Variants in THEMIS observed in about 807,000 individuals in gnomAD.
The protein encoded by THEMIS is protein THEMIS.
A neutral mutation model predicts 52.6 loss-of-function variants in THEMIS; 37 were observed. The ratio of observed to expected loss-of-function variants is 0.70; its 90% CI spans 0.54 to 0.93. The LOEUF (loss-of-function observed/expected upper bound fraction) is 0.93. Among genes scored for constraint, THEMIS ranks in the 40% least tolerant of loss-of-function variants. The probability of loss-of-function intolerance (pLI) is 0.00; values close to 1 mark genes in which losing one functional copy is unlikely to be tolerated. For missense variants in THEMIS, 808 were observed against 763.1 expected, an observed-to-expected ratio of 1.06 and a Z score of -0.69; for synonymous variants, 292 against 272.7, an observed-to-expected ratio of 1.07 and a Z score of -0.70.
At chr6:127,786,054 C>T (rs1776937612) in intron 4 of THEMIS, among the ~76,000 whole-genome samples, 3 of 152,082 alleles carry the variant, frequency 2.0e-5, no homozygotes. Context: ...TTTTATAAAA[C>T]ATTAATGACT....
intron 4 of THEMIS, among the ~76,000 whole-genome samples, chr6:127,751,278 T>C (rs1775635083): frequency 1.3e-5 from 2 of 151,752 alleles, no homozygotes; most frequent in Non-Finnish European, 3.0e-5. Flanking sequence ...TTCGTTGTTA[T>C]CAGCTTAAAA....
At chr6:127,829,276 C>A (rs984673893) in intron 3 of THEMIS, among the ~76,000 whole-genome samples, 200 bp downstream of exon 3, 1 of 152,172 alleles carries the variant, frequency 6.6e-6, no homozygotes, top group Non-Finnish European at 1.5e-5. Context: ...ATACAATTTA[C>A]AACATACTTG....
chr6:127,911,568 T>C (rs1056730318), intron 1 of THEMIS, among the ~76,000 whole-genome samples: 2 of 151,478 alleles, frequency 1.3e-5, no homozygotes, highest in African/African-American at 2.5e-5. Flanking sequence ...TATTTCTACA[T>C]GTATTCATCT....
Position 127,829,647 on chromosome 6 carries a change from G to C in THEMIS, c.538C>G (p.Arg180Gly), listed in dbSNP as rs1012284928. ...EGEFYECEDE[R>G]IYTLKEIVEW... ...ACAATCTCCTTTAGAGTGTAAATAC[G>C]TTCATCTTCACACTCGTAGAATTCT... The change falls in exon 3 of 6, where the codon CGT (arginine) becomes GGT (glycine). Residue 180 changes from arginine (R) to glycine (G), a missense_variant. Physicochemically the swap from Arg to Gly is moderately radical, Grantham distance 125. Transcript: ENST00000368248. 6.2e-7 allele frequency: 1 copy of C among 1,613,860 alleles called. No individual in the cohort carries two copies. Among genetic ancestry groups the C allele is most frequent in the Non-Finnish European group, 8.5e-7 (1 of 1,180,004 alleles).
At chr6:127,793,594 C>A (rs929669849) in intron 4 of THEMIS, among the ~76,000 whole-genome samples, 1 of 152,192 alleles carries the variant, frequency 6.6e-6, no homozygotes, top group Non-Finnish European at 1.5e-5. Flanking sequence ...AAGAAGACTA[C>A]CATCCCTCAA....
At chr6:127,774,852 G>A (rs1776506567) in intron 4 of THEMIS, among the ~76,000 whole-genome samples, 8 of 152,214 alleles carry the variant, frequency 5.3e-5, no homozygotes, top group Admixed American at 4.6e-4. Flanking sequence ...CAAATAGATT[G>A]AGGCTAGTAG....
In THEMIS at chr6:127,812,871, C is replaced by A. The variant is rs753372679; in HGVS notation, c.1758+12G>T. 1 of 1,570,618 alleles carries A rather than the reference C, an allele frequency of 6.4e-7. No individual in the cohort carries two copies. ...ACACTCCAGAGAAAACATTGCAAAA[C>A]CATAGCCTTACCTTGGGAGACTTGG... On this transcript the variant is annotated intron_variant, in intron 4 of 5. Transcript: ENST00000368248.
At chr6:127,820,970 C>G (rs2114633645) in intron 3 of THEMIS, among the ~76,000 whole-genome samples, 1 of 151,992 alleles carries the variant, frequency 6.6e-6, no homozygotes, top group East Asian at 1.9e-4. Flanking sequence ...CTAAGAATCT[C>G]TCCTAGAGAA....
In THEMIS at chr6:127,813,311, A is replaced by G; in HGVS notation, c.1330T>C (p.Tyr444His). The change falls in exon 4 of 6, where the codon TAC (tyrosine) becomes CAC (histidine). Residue 444 changes from tyrosine to histidine, a missense_variant. Tyr to His is a moderately conservative substitution (Grantham distance 83). Coordinates refer to ENST00000368248, the MANE Select transcript of THEMIS (RefSeq NM_001010923.3). ...FVEVIHDKKQ[Y>H]PISELCKQFR... ...TGTTTACAGAGCTCAGAAATCGGGT[A>G]CTGTTTCTTATCATGAATCACCTCT... is the stretch of plus-strand genomic sequence containing the variant. The G allele has an allele frequency of 6.2e-7, 1 of 1,614,192 alleles. No homozygotes were observed. Among genetic ancestry groups the G allele is most frequent in the Non-Finnish European group, 8.5e-7 (1 of 1,180,024 alleles).
intron 2 of THEMIS, among the ~76,000 whole-genome samples, chr6:127,834,803 C>A (rs7767438): frequency 0.44 from 66,827 of 151,804 alleles, 15,028 homozygotes; most frequent in East Asian, 0.59. Context: ...AAACCTAACA[C>A]ATTTGGGATG....
chr6:127,815,339 A>G (rs1034520113), intron 3 of THEMIS, among the ~76,000 whole-genome samples: 5 of 152,084 alleles, frequency 3.3e-5, no homozygotes, highest in African/African-American at 9.7e-5. Context: ...TTGAAAATGA[A>G]CAATTTGGAA....
Position 127,821,082 on chromosome 6 carries a change from G to T in THEMIS, c.710-7151C>A, listed in dbSNP as rs192140560. On this transcript the variant is annotated intron_variant, in intron 3 of 5. Coordinates refer to ENST00000368248, the MANE Select transcript of THEMIS (RefSeq NM_001010923.3). Reference sequence around the variant, plus strand: ...AAATATAAGAGAGGAAAAACAATTAGAATCTTTTATAGATTTATAAAATTT... The same window carrying T: ...AAATATAAGAGAGGAAAAACAATTATAATCTTTTATAGATTTATAAAATTT... Among the ~76,000 whole-genome samples, 5 of 151,788 alleles carry T rather than the reference G, an allele frequency of 3.3e-5. No individual in the cohort carries two copies. In the East Asian group the frequency reaches 9.7e-4, roughly 30 times the overall value.
chr6:127,860,518 T>C (rs1205568975), intron 1 of THEMIS, among the ~76,000 whole-genome samples: 1 of 152,030 alleles, frequency 6.6e-6, no homozygotes, highest in Non-Finnish European at 1.5e-5. Context: ...ATTTTTCTCG[T>C]GAATTGGGGG....
At chr6:127,872,076 C>A (rs1780174272) in intron 1 of THEMIS, among the ~76,000 whole-genome samples, 1 of 152,048 alleles carries the variant, frequency 6.6e-6, no homozygotes, top group Non-Finnish European at 1.5e-5. Context: ...CAAATAGAAT[C>A]TAGCAATATA....
chr6:127,711,029 CCTT>C, intron 5 of THEMIS, among the ~76,000 whole-genome samples: 1 of 145,072 alleles, frequency 6.9e-6, no homozygotes, highest in East Asian at 2.2e-4. Flanking sequence ...GTTTTCCTTC[CCTT>C]CTTCTCCTCT....
chr6:127,703,035 G>GTTTTTTTTTTTTTTTTTTT, the THEMIS span, among the ~76,000 whole-genome samples: 11 of 82,386 alleles, frequency 1.3e-4, 1 homozygote, highest in Admixed American at 3.2e-4. Context: ...TTTAGAATGA[G>GTTTTTTTTTTTTTTTTTTT]TTTTTTTTTT....
intron 1 of THEMIS, among the ~76,000 whole-genome samples, chr6:127,887,659 A>G (rs1203403878): frequency 6.6e-6 from 1 of 152,190 alleles, no homozygotes; most frequent in Non-Finnish European, 1.5e-5. Flanking sequence ...AGGCAAATTT[A>G]TAGACAGAAA....
chr6:127,746,252 T>C (rs147821014), intron 4 of THEMIS, among the ~76,000 whole-genome samples: 1,560 of 151,852 alleles, frequency 0.01, 15 homozygotes, highest in Non-Finnish European at 0.016. Flanking sequence ...AGGTAGGCTG[T>C]CCAGGGTAAG....
intron 4 of THEMIS, among the ~76,000 whole-genome samples, chr6:127,755,675 A>G (rs187624854): frequency 2.7e-4 from 41 of 152,302 alleles, no homozygotes; most frequent in African/African-American, 9.1e-4. Context: ...ATGTAATCAA[A>G]GTGTGTCATT....
Sources: allele counts gnomAD v4.1 joint callset (sites outside exome capture counted in the v4.1 genomes callset), GRCh38; gene constraint gnomAD v4.1.1; transcripts MANE v1.5; gene names NCBI Gene and HGNC (gene_info 2026-07-23, HGNC 2026-07-21).